The following ABCA13 variants were observed in gnomAD, a reference collection of about 807,000 sequenced individuals.
ABCA13 encodes ATP binding cassette subfamily A member 13, also known as ATP-binding cassette sub-family A member 13.
In ABCA13, 476 loss-of-function variants were observed where a neutral mutation model predicts 478.7. The ratio of observed to expected loss-of-function variants is 0.99; its 90% CI spans 0.92 to 1.07. The LOEUF (loss-of-function observed/expected upper bound fraction) is 1.07, where lower values mean the gene tolerates loss of function less well. ABCA13 is among the 50% of genes least tolerant of loss of function. The probability of loss-of-function intolerance (pLI) is 0.00; values close to 1 mark genes in which losing one functional copy is unlikely to be tolerated. For synonymous variants in ABCA13, 2,252 were observed against 2,158.9 expected (o/e 1.04, Z -1.20); for missense variants, 6,060 against 5,910.6 (o/e 1.03, Z -0.83).
At chr7:48,234,291 C>A (rs145540936) in intron 8 of ABCA13, 140 bp downstream of exon 8, 25 of 1,071,140 alleles carry the variant, frequency 2.3e-5, no homozygotes, top group Non-Finnish European at 3.6e-5. Flanking sequence ...GAGCTCCTTA[C>A]GCAGAAGAGA....
At chr7:48,448,645 G>A (rs745623379) in intron 42 of ABCA13, among the ~76,000 whole-genome samples, 4 of 151,950 alleles carry the variant, frequency 2.6e-5, no homozygotes, top group Non-Finnish European at 5.9e-5. Context: ...TACCTATATT[G>A]TGTTTTTTTA....
At chr7:48,425,673 G>A (rs1563235372) in intron 41 of ABCA13, among the ~76,000 whole-genome samples, 3 of 152,254 alleles carry the variant, frequency 2.0e-5, no homozygotes, top group Non-Finnish European at 4.4e-5. Context: ...GCCAGGCATC[G>A]TTTTTATAAC....
chr7:48,569,959 G>A lies in ABCA13; in HGVS notation c.14355-10265G>A, dbSNP rs1229871985. Among the ~76,000 whole-genome samples, 5 of 152,122 alleles carry A rather than the reference G, an allele frequency of 3.3e-5. No individual in the cohort carries two copies. The East Asian group carries it at 9.6e-4, about 29-fold the overall frequency. On this transcript the variant is annotated intron_variant, in intron 55 of 61. Coordinates refer to ENST00000435803, the MANE Select transcript of ABCA13 (RefSeq NM_152701.5). ...GGATGGAGAGTTCTAAGTCTCTATA[G>A]TCTCTTAGGTCTAGTTATCTTGTTG...
intron 15 of ABCA13, among the ~76,000 whole-genome samples, chr7:48,250,833 G>T (rs1792443404): frequency 1.3e-5 from 2 of 152,058 alleles, no homozygotes; most frequent in African/African-American, 4.8e-5. Flanking sequence ...ATTATCTTCT[G>T]CCCTGGTTTT....
At chr7:48,473,968 C>T (rs1221159999) in intron 45 of ABCA13, among the ~76,000 whole-genome samples, 1 of 152,164 alleles carries the variant, frequency 6.6e-6, no homozygotes, top group Non-Finnish European at 1.5e-5. Context: ...TTGGAACTCT[C>T]CATGTTTCCC....
At chr7:48,260,797 G>A (rs1280962969) in intron 15 of ABCA13, among the ~76,000 whole-genome samples, 1 of 151,812 alleles carries the variant, frequency 6.6e-6, no homozygotes, top group African/African-American at 2.4e-5. Context: ...TAGAGCCAGG[G>A]GTCACTCTCT....
chr7:48,487,401 C>G (rs1026684570), intron 47 of ABCA13, among the ~76,000 whole-genome samples: 4 of 151,842 alleles, frequency 2.6e-5, no homozygotes, highest in Non-Finnish European at 4.4e-5. Context: ...GGAGGCTGAG[C>G]AGGCAGCCTC....
chr7:48,434,431 C>T (rs187575933), intron 42 of ABCA13, among the ~76,000 whole-genome samples: 1 of 151,912 alleles, frequency 6.6e-6, no homozygotes, highest in East Asian at 1.9e-4. Flanking sequence ...GAAATATAAT[C>T]TGCAATTTTT....
intron 42 of ABCA13, among the ~76,000 whole-genome samples, chr7:48,454,553 G>GC (rs967215432): frequency 1.3e-4 from 20 of 152,154 alleles, no homozygotes; most frequent in African/African-American, 4.8e-4. Context: ...GCTCTCCTAT[G>GC]CCCTGCGGGG....
intron 3 of ABCA13, among the ~76,000 whole-genome samples, chr7:48,217,450 A>T (rs527745225): frequency 1.3e-5 from 2 of 152,292 alleles, no homozygotes; most frequent in East Asian, 3.9e-4. Context: ...TGTTAGTCTC[A>T]CCACTGCCGC....
Position 48,274,761 on chromosome 7 carries a change from G to T in ABCA13, c.5095G>T (p.Val1699Leu). ...LMDFFKNISS[V>L]GTGNLVVNLL... ...GGATTTCTTTAAGAATATCAGTAGT[G>T]TGGGAACTGGCAATTTAGTGGTCAA... Residue 1699 changes from valine to leucine, a missense_variant, in exon 17 of 62, where the codon GTG (valine) becomes TTG (leucine). Physicochemically the swap from Val to Leu is conservative, Grantham distance 32. Transcript: ENST00000435803. 3.1e-6 allele frequency: 5 copies of T among 1,613,968 alleles called. No individual in the cohort carries two copies. Among genetic ancestry groups the T allele is most frequent in the Non-Finnish European group, 3.4e-6 (4 of 1,179,844 alleles).
At chr7:48,334,492 G>A (rs906645181) in intron 27 of ABCA13, among the ~76,000 whole-genome samples, 23 of 152,138 alleles carry the variant, frequency 1.5e-4, no homozygotes, top group African/African-American at 5.3e-4. Context: ...CTGCCACCGT[G>A]CCCGGCTAAT....
chr7:48,423,320 T>G (rs1283707713), intron 41 of ABCA13, among the ~76,000 whole-genome samples: 1 of 152,250 alleles, frequency 6.6e-6, no homozygotes. Flanking sequence ...TTGGAAATTC[T>G]TCCTCTGCTC....
At chr7:48,412,666 G>A (rs746856602) in intron 41 of ABCA13, 83 bp downstream of exon 41, 3 of 1,129,028 alleles carry the variant, frequency 2.7e-6, no homozygotes, top group South Asian at 2.0e-5. Context: ...GGGTAAAGGG[G>A]GGGAGATGTG....
chr7:48,414,233 AGATTCCT>A (rs914330904), intron 41 of ABCA13, among the ~76,000 whole-genome samples: 2 of 152,172 alleles, frequency 1.3e-5, no homozygotes, highest in African/African-American at 4.8e-5. Flanking sequence ...GCGGATTCCC[AGATTCCT>A]CAGCATCAAT....
chr7:48,604,514 G>A (rs1791263236), intron 58 of ABCA13, among the ~76,000 whole-genome samples: 1 of 152,266 alleles, frequency 6.6e-6, no homozygotes, highest in Middle Eastern at 3.4e-3. Context: ...GGAGCAGGTT[G>A]TTCAGTTTCC....
At chr7:48,413,549 A>G (rs2129100351) in intron 41 of ABCA13, among the ~76,000 whole-genome samples, 1 of 152,258 alleles carries the variant, frequency 6.6e-6, no homozygotes, top group South Asian at 2.1e-4. Context: ...CATTGCTATT[A>G]TTTATATAAA....
intron 2 of ABCA13, among the ~76,000 whole-genome samples, 189 bp downstream of exon 2, chr7:48,193,241 G>GAT (rs1478616779): frequency 2.0e-5 from 3 of 152,154 alleles, no homozygotes; most frequent in Admixed American, 6.5e-5. Context: ...TTTTAAGAAT[G>GAT]ATATTCACAC....
chr7:48,290,248 G>A lies in ABCA13; in HGVS notation c.8955+2170G>A, dbSNP rs183558904. 2.6e-5 allele frequency among the ~76,000 whole-genome samples: 4 copies of A among 152,310 alleles called. No homozygotes were observed. The East Asian group carries it at 7.7e-4, about 29-fold the overall frequency. On this transcript the variant is annotated intron_variant, in intron 20 of 61. Coordinates refer to ENST00000435803, the MANE Select transcript of ABCA13 (RefSeq NM_152701.5). ...CCCACTGTATTTCCTGGGCTAAGCTGAGTTGGAGAATGCAGCTGGAACTTC... is the reference window on the plus strand; with the variant it reads ...CCCACTGTATTTCCTGGGCTAAGCTAAGTTGGAGAATGCAGCTGGAACTTC...
Sources: gnomAD v4.1 joint callset for allele counts (sites outside exome capture counted in the v4.1 genomes callset) on GRCh38, gnomAD v4.1.1 for gene constraint, MANE v1.5 for transcripts, NCBI Gene and HGNC (gene_info 2026-07-23, HGNC 2026-07-21) for gene names.